CHCHD6: variants seen among roughly 807,000 people sequenced by gnomAD.
The protein encoded by CHCHD6 is coiled-coil-helix-coiled-coil-helix domain containing 6.
CHCHD6 carries 28 observed loss-of-function variants against 32.3 expected under a neutral mutation model. That is an observed-to-expected ratio of 0.87 (90% CI 0.64 to 1.19). CHCHD6 has a LOEUF of 1.19. CHCHD6 is among the 50% of genes most tolerant of loss of function. The probability of loss-of-function intolerance (pLI) is 0.00; values close to 1 mark genes in which losing one functional copy is unlikely to be tolerated. For missense variants in CHCHD6, 333 were observed against 307.0 expected (o/e 1.08, Z -0.63); for synonymous variants, 122 against 117.5 (o/e 1.04, Z -0.25).
At chr3:126,909,945 G>T (rs1236207206) in intron 5 of CHCHD6, among the ~76,000 whole-genome samples, 2 of 152,158 alleles carry the variant, frequency 1.3e-5, no homozygotes, top group Admixed American at 1.3e-4. Context: ...GGGAGAGCTG[G>T]ATGCCATCAT....
intron 1 of CHCHD6, among the ~76,000 whole-genome samples, chr3:126,712,180 T>C (rs1934778903): frequency 6.6e-6 from 1 of 152,244 alleles, no homozygotes; most frequent in Non-Finnish European, 1.5e-5. Context: ...AAACTCACTG[T>C]GTGTGAGAAT....
intron 4 of CHCHD6, among the ~76,000 whole-genome samples, chr3:126,786,870 T>G (rs1377557629): frequency 1.3e-5 from 2 of 152,158 alleles, no homozygotes; most frequent in Non-Finnish European, 2.9e-5. Flanking sequence ...TGCCATTGCT[T>G]TTGGTGTTTT....
intron 6 of CHCHD6, among the ~76,000 whole-genome samples, chr3:126,947,089 A>C (rs2078650437): frequency 6.6e-6 from 1 of 152,254 alleles, no homozygotes; most frequent in South Asian, 2.1e-4. Context: ...TCTGGTCCCG[A>C]ATCCCTCTTC....
At chr3:126,933,613 A>G (rs1576620791) in intron 6 of CHCHD6, among the ~76,000 whole-genome samples, 1 of 151,924 alleles carries the variant, frequency 6.6e-6, no homozygotes, top group South Asian at 2.1e-4. Flanking sequence ...TAAATAATCA[A>G]CTCTCATTAT....
intron 4 of CHCHD6, among the ~76,000 whole-genome samples, chr3:126,781,545 G>T (rs1357361315): frequency 6.6e-6 from 1 of 152,242 alleles, no homozygotes; most frequent in Non-Finnish European, 1.5e-5. Context: ...CCTGCCTTGT[G>T]TATGGTTTTG....
At chr3:126,866,719 C>A (rs1257222381) in intron 5 of CHCHD6, among the ~76,000 whole-genome samples, 1 of 152,220 alleles carries the variant, frequency 6.6e-6, no homozygotes, top group East Asian at 1.9e-4. Context: ...CCTTGTCCCC[C>A]AGACTTAATG....
chr3:126,877,083 GA>G (rs947084786), intron 5 of CHCHD6, among the ~76,000 whole-genome samples: 3 of 152,206 alleles, frequency 2.0e-5, no homozygotes, highest in Admixed American at 2.0e-4. Flanking sequence ...AAATAAGGGG[GA>G]AAAAGATAGA....
intron 4 of CHCHD6, among the ~76,000 whole-genome samples, chr3:126,839,594 C>CATCT (rs1267059055): frequency 2.6e-5 from 4 of 152,122 alleles, no homozygotes; most frequent in Non-Finnish European, 5.9e-5. Flanking sequence ...TTCCCTGCTG[C>CATCT]ATCTAATCAG....
chr3:126,791,258 T>C (rs983704592), intron 4 of CHCHD6, among the ~76,000 whole-genome samples: 1 of 152,088 alleles, frequency 6.6e-6, no homozygotes, highest in Non-Finnish European at 1.5e-5. Flanking sequence ...CCAGTTAGGC[T>C]CCTTGGCGGT....
chr3:126,772,672 GTCT>G (rs1937565315), intron 4 of CHCHD6, among the ~76,000 whole-genome samples: 1 of 152,130 alleles, frequency 6.6e-6, no homozygotes, highest in Non-Finnish European at 1.5e-5. Context: ...ATACCATTGG[GTCT>G]TCTTTATCCA....
At chr3:126,818,913 T>C (rs1333776576) in intron 4 of CHCHD6, among the ~76,000 whole-genome samples, 2 of 152,166 alleles carry the variant, frequency 1.3e-5, no homozygotes, top group Non-Finnish European at 2.9e-5. Context: ...CTGCATCTGC[T>C]CCTAGGCCTA....
chr3:126,779,041 A>C (rs979127974), intron 4 of CHCHD6, among the ~76,000 whole-genome samples: 1 of 151,406 alleles, frequency 6.6e-6, no homozygotes, highest in African/African-American at 2.4e-5. Context: ...GAGCCACTAC[A>C]CCAGGCCAAA....
chr3:126,929,722 T>A (rs1028472064), intron 6 of CHCHD6, among the ~76,000 whole-genome samples: 5 of 151,984 alleles, frequency 3.3e-5, no homozygotes, highest in Non-Finnish European at 7.4e-5. Flanking sequence ...CCCACCACCA[T>A]GCCTGGCTAA....
In CHCHD6 at chr3:126,934,751, A is replaced by G. The variant is rs1466115573; in HGVS notation, c.566+20001A>G. Among the ~76,000 whole-genome samples, 18 of 151,790 alleles carry G rather than the reference A, an allele frequency of 1.2e-4. No individual in the cohort carries two copies. The East Asian group carries it at 3.3e-3, about 28-fold the overall frequency. On this transcript the variant is annotated intron_variant, in intron 6 of 7. Transcript: ENST00000290913. The stretch of plus-strand genomic sequence containing the variant: ...TTTTTAGTAGAGATGGGGTTTCACC[A>G]TGTTAGCCAGGATGGTCTCGATCTC...
chr3:126,901,162 A>G (rs1226035170), intron 5 of CHCHD6, among the ~76,000 whole-genome samples: 1 of 152,204 alleles, frequency 6.6e-6, no homozygotes, highest in Non-Finnish European at 1.5e-5. Flanking sequence ...TGTCAGCTTC[A>G]AGAAGGAAGA....
intron 4 of CHCHD6, among the ~76,000 whole-genome samples, chr3:126,763,536 T>G (rs1279739772): frequency 6.6e-6 from 1 of 152,148 alleles, no homozygotes; most frequent in East Asian, 1.9e-4. Flanking sequence ...AGATGGGGTC[T>G]TGTTATGTTG....
chr3:126,741,286 C>T (rs1936277654), intron 4 of CHCHD6, among the ~76,000 whole-genome samples: 1 of 152,136 alleles, frequency 6.6e-6, no homozygotes, highest in Admixed American at 6.5e-5. Context: ...CCTTCACTTC[C>T]ACCCATGTCT....
intron 4 of CHCHD6, among the ~76,000 whole-genome samples, chr3:126,781,976 G>A (rs948828595): frequency 6.6e-6 from 1 of 152,150 alleles, no homozygotes; most frequent in African/African-American, 2.4e-5. Flanking sequence ...CGAGAAATGA[G>A]AAACAGATGT....
Position 126,957,893 on chromosome 3 carries a change from G to A in CHCHD6, c.702+342G>A, listed in dbSNP as rs1430529309. 1.5e-5 allele frequency: 6 copies of A among 403,950 alleles called. No individual in the cohort carries two copies. The East Asian group carries it at 3.2e-4, about 22-fold the overall frequency. 25.0% of individuals were successfully genotyped at this position (403,950 alleles called of 1,614,324 possible). ...GGGACTTCTTAGCCCTCGGCACTTA[G>A]GGGTGGGAGGGTGGCAGAGGCCCGA... On this transcript the variant is annotated intron_variant, in intron 7 of 7. Coordinates refer to ENST00000290913, the MANE Select transcript of CHCHD6 (RefSeq NM_032343.3).
Sources: allele counts gnomAD v4.1 joint callset (sites outside exome capture counted in the v4.1 genomes callset), GRCh38; gene constraint gnomAD v4.1.1; transcripts MANE v1.5; gene names NCBI Gene and HGNC (gene_info 2026-07-23, HGNC 2026-07-21).